The following INO80 variants were observed in gnomAD, a reference collection of about 807,000 sequenced individuals.
INO80 encodes chromatin-remodeling ATPase INO80.
Under a neutral mutation model 203.4 loss-of-function variants are expected in INO80, and 20 were observed. The ratio of observed to expected loss-of-function variants is 0.10; its 90% CI spans 0.07 to 0.14. The LOEUF is 0.14. INO80 is among the 10% of genes least tolerant of loss of function. The probability of loss-of-function intolerance (pLI) is 1.00; values close to 1 mark genes in which losing one functional copy is unlikely to be tolerated. For missense variants in INO80, 1,419 were observed against 1,914.4 expected (o/e 0.74, Z 4.83); for synonymous variants, 726 against 685.2 (o/e 1.06, Z -0.93).
intron 24 of INO80, among the ~76,000 whole-genome samples, chr15:41,036,488 T>TCCTG (rs2044578657): frequency 6.6e-6 from 1 of 152,080 alleles, no homozygotes; most frequent in Non-Finnish European, 1.5e-5. Flanking sequence ...AGATTACCTA[T>TCCTG]CCTGCCCACT....
chr15:41,039,372 G>A (rs1323911222), intron 24 of INO80, among the ~76,000 whole-genome samples: 2 of 152,172 alleles, frequency 1.3e-5, no homozygotes, highest in African/African-American at 2.4e-5. Flanking sequence ...GCAGTTAATT[G>A]TGTAGTATTT....
intron 13 of INO80, 73 bp from the exon 14 acceptor site, chr15:41,069,738 C>A: frequency 2.5e-6 from 2 of 811,998 alleles, no homozygotes; most frequent in South Asian, 1.6e-5. Context: ...TAATTAATGA[C>A]AAGAACAATC....
chr15:41,096,037 T>A (rs2045718599), intron 2 of INO80, 109 bp from the exon 3 acceptor site: 1 of 1,413,160 alleles, frequency 7.1e-7, no homozygotes, highest in Non-Finnish European at 9.5e-7. Flanking sequence ...ATAAATTGAC[T>A]TTTTTATTTG....
intron 27 of INO80, among the ~76,000 whole-genome samples, chr15:41,006,113 A>G (rs1185254724): frequency 6.6e-6 from 1 of 152,172 alleles, no homozygotes; most frequent in Non-Finnish European, 1.5e-5. Flanking sequence ...TTACTGATTA[A>G]AATGCTTAAA....
intron 18 of INO80, among the ~76,000 whole-genome samples, chr15:41,054,755 C>T (rs979484972): frequency 1.3e-5 from 2 of 152,188 alleles, no homozygotes; most frequent in African/African-American, 4.8e-5. Flanking sequence ...TCACCCGCCT[C>T]AGCCTCCCGT....
At chr15:41,053,735 G>C (rs1188325328) in intron 19 of INO80, among the ~76,000 whole-genome samples, 194 bp downstream of exon 19, 4 of 151,878 alleles carry the variant, frequency 2.6e-5, no homozygotes, top group Non-Finnish European at 5.9e-5. Context: ...CCAGTAAAAA[G>C]CATTTCAAAA....
chr15:40,981,978 TATC>T (rs1893848917), intron 35 of INO80, among the ~76,000 whole-genome samples: 1 of 152,194 alleles, frequency 6.6e-6, no homozygotes, highest in Non-Finnish European at 1.5e-5. Context: ...ACAGGCAACT[TATC>T]AGCAGGACCA....
chr15:40,980,484 G>C (rs60896443), intron 35 of INO80, 44 bp from the exon 36 acceptor site: 3 of 1,469,646 alleles, frequency 2.0e-6, no homozygotes, highest in South Asian at 1.2e-5. Flanking sequence ...CCAGTCCCGC[G>C]TAAGCTTCCT....
chr15:41,045,151 G>C, intron 23 of INO80, 76 bp from the exon 24 acceptor site: 4 of 1,109,100 alleles, frequency 3.6e-6, no homozygotes, highest in Non-Finnish European at 5.1e-6. Context: ...AGCAAGGATT[G>C]TCTCTCATTA....
intron 24 of INO80, among the ~76,000 whole-genome samples, chr15:41,030,585 C>T (rs779795024): frequency 6.6e-6 from 1 of 152,136 alleles, no homozygotes; most frequent in Non-Finnish European, 1.5e-5. Flanking sequence ...TGGTCTTGAA[C>T]TCCTGGCCAC....
rs761831202 is a variant in INO80 at position 41,027,640 on chromosome 15, G to C, written c.3004C>G (p.Leu1002Val). The stretch of plus-strand genomic sequence containing the variant: ...AAAAAAGATGGCAGCTCAGTGAGCA[G>C]GCAGCGACGCAGCGAGGAGGTAGCT... ...RSATSSLRRC[L>V]LTELPSFLCV... The change falls in exon 25 of 36, where the codon CTG (leucine) becomes GTG (valine). Residue 1002 changes from leucine to valine, a missense_variant. Physicochemically the swap from Leu to Val is conservative, Grantham distance 32. Transcript: ENST00000648947. 1 of 1,613,920 alleles carries C rather than the reference G, an allele frequency of 6.2e-7. No individual in the cohort carries two copies. The highest frequency in any genetic ancestry group is 1.7e-5 in the Admixed American group (1 of 59,968).
intron 25 of INO80, among the ~76,000 whole-genome samples, chr15:41,021,554 T>G (rs1280453083): frequency 6.6e-6 from 1 of 152,228 alleles, no homozygotes; most frequent in Non-Finnish European, 1.5e-5. Flanking sequence ...TAAAGAATAT[T>G]GGCCTGGCAT....
chr15:41,091,557 C>G (rs2045641967), intron 5 of INO80, among the ~76,000 whole-genome samples: 1 of 151,870 alleles, frequency 6.6e-6, no homozygotes, highest in African/African-American at 2.4e-5. Context: ...GTGTCTTGTT[C>G]CCCTTCCTGT....
At chr15:41,062,943 G>C (rs1423947151) in intron 14 of INO80, among the ~76,000 whole-genome samples, 1 of 152,216 alleles carries the variant, frequency 6.6e-6, no homozygotes, top group African/African-American at 2.4e-5. Flanking sequence ...AGGGAGAGCA[G>C]TAACATTTAA....
At position 41,023,768 on chromosome 15, in the gene INO80, C is replaced by CAAAA. The variant is rs139814568; in HGVS notation, c.3049-2647_3049-2644dup. Among the ~76,000 whole-genome samples, 68 of 63,332 alleles carry CAAAA rather than the reference C, an allele frequency of 1.1e-3. 2 individuals carry two copies. Among genetic ancestry groups the CAAAA allele is most frequent in the African/African-American group, 3.5e-3 (43 of 12,180 alleles). The allele number at this position is 63,332 out of a possible 152,430, so 41.5% of individuals were successfully genotyped here. A position where few individuals can be genotyped will look rare whatever the true frequency, so the allele number is the denominator to read the frequency against. On this transcript the variant is annotated intron_variant, in intron 25 of 35. Transcript: ENST00000648947. ...TGGGTGACAGAGTGAGACTCTGTCTCAAAAAAAAAAAAAAACAAAACAAAA... is the reference window on the plus strand; with the variant it reads ...TGGGTGACAGAGTGAGACTCTGTCTCAAAAAAAAAAAAAAAAAAACAAAACAAAA...
chr15:41,004,402 A>G (rs926041676), intron 28 of INO80: 1 of 152,254 alleles, frequency 6.6e-6, no homozygotes, highest in African/African-American at 2.4e-5. Context: ...TCTAAATAAA[A>G]TGGCTATGTG....
Position 41,085,563 on chromosome 15 carries a change from T to C in INO80, c.679A>G (p.Lys227Glu), listed in dbSNP as rs755553280. The change falls in exon 7 of 36, where the codon AAA becomes GAA. Residue 227 changes from lysine to glutamate, a missense_variant. By Grantham distance (56) the Lys-to-Glu change is moderately conservative. Around this residue, in one of 9 missense-constraint regions of INO80, gnomAD observed 323 missense variants for 325.4 expected, o/e 0.99. Coordinates refer to ENST00000648947, the MANE Select transcript of INO80 (RefSeq NM_017553.3). ...KLKAKLKKVK[K>E]KRRRDEELSS... ...AGTTCTTCATCTCTTCGTCTTTTTT[T>C]CTTCACTTTTTTCAACTTAGCTGCA... The C allele has an allele frequency of 1.9e-6, 3 of 1,614,050 alleles. No individual in the cohort carries two copies. The highest frequency in any genetic ancestry group is 2.5e-6 in the Non-Finnish European group (3 of 1,179,986).
intron 7 of INO80, among the ~76,000 whole-genome samples, chr15:41,083,699 C>T (rs962510525): frequency 1.1e-4 from 14 of 129,812 alleles, no homozygotes; most frequent in African/African-American, 2.5e-4. Flanking sequence ...GGGCAAGAGA[C>T]GAGACTCCGT....
chr15:41,026,799 C>A (rs544684052), intron 25 of INO80, among the ~76,000 whole-genome samples: 1 of 152,292 alleles, frequency 6.6e-6, no homozygotes, highest in South Asian at 2.1e-4. Context: ...CTTGGTAGAT[C>A]TTTTCTCTGG....
Sources: allele counts gnomAD v4.1 joint callset (sites outside exome capture counted in the v4.1 genomes callset), GRCh38; gene constraint gnomAD v4.1.1; regional missense constraint gnomAD v4.1.1; transcripts MANE v1.5; gene names NCBI Gene and HGNC (gene_info 2026-07-23, HGNC 2026-07-21).